The following SNX29 variants were observed in gnomAD, a reference collection of about 807,000 sequenced individuals.
SNX29 encodes sorting nexin-29.
In SNX29, 78 loss-of-function variants were observed where a neutral mutation model predicts 102.1. The observed-to-expected ratio is 0.76, with a 90% CI of 0.64 to 0.92. The LOEUF (loss-of-function observed/expected upper bound fraction) is 0.92, where lower values mean the gene tolerates loss of function less well. Among genes scored for constraint, SNX29 ranks in the 40% least tolerant of loss-of-function variants. The probability of loss-of-function intolerance (pLI) is 0.00; values close to 1 mark genes in which losing one functional copy is unlikely to be tolerated. For synonymous variants in SNX29, 580 were observed against 414.5 expected (o/e 1.40, Z -4.85); for missense variants, 1,280 against 1,061.7 (o/e 1.21, Z -2.86).
chr16:12,421,731 A>T (rs1422190799), intron 18 of SNX29, among the ~76,000 whole-genome samples: 1 of 152,106 alleles, frequency 6.6e-6, no homozygotes. Context: ...CTTCCTCCTC[A>T]ATCAGAAGCA....
intron 15 of SNX29, among the ~76,000 whole-genome samples, chr16:12,296,370 ATATG>A: frequency 6.6e-6 from 1 of 152,036 alleles, no homozygotes; most frequent in Admixed American, 6.5e-5. Context: ...TGGCCCTTAT[ATATG>A]GGGAGAAGAA....
At chr16:12,533,555 T>C (rs1008244547) in intron 20 of SNX29, among the ~76,000 whole-genome samples, 1 of 152,170 alleles carries the variant, frequency 6.6e-6, no homozygotes, top group African/African-American at 2.4e-5. Context: ...TTTCTTACTT[T>C]CTTAGCCTCG....
intron 19 of SNX29, among the ~76,000 whole-genome samples, chr16:12,494,948 G>A (rs1167500014): frequency 6.6e-6 from 1 of 152,194 alleles, no homozygotes; most frequent in Non-Finnish European, 1.5e-5. Context: ...CAGGCAGGGT[G>A]CCAAGGACTG....
intron 18 of SNX29, among the ~76,000 whole-genome samples, chr16:12,469,227 C>G (rs995520260): frequency 6.6e-6 from 1 of 152,204 alleles, no homozygotes; most frequent in Non-Finnish European, 1.5e-5. Flanking sequence ...AGTCGTTTTT[C>G]TTGGGCCAAG....
At chr16:12,210,082 A>G (rs2077143391) in intron 14 of SNX29, among the ~76,000 whole-genome samples, 1 of 152,044 alleles carries the variant, frequency 6.6e-6, no homozygotes, top group South Asian at 2.1e-4. Flanking sequence ...TTCTTTGGGG[A>G]ACCCTCTGTC....
At chr16:12,048,696 C>G in intron 7 of SNX29, 76 bp downstream of exon 7, 4 of 1,611,924 alleles carry the variant, frequency 2.5e-6, no homozygotes, top group Non-Finnish European at 3.4e-6. Flanking sequence ...ATCTTGTCAT[C>G]TGAAAGTCAT....
chr16:12,541,630 A>G (rs1056140450), intron 20 of SNX29, among the ~76,000 whole-genome samples: 1 of 152,174 alleles, frequency 6.6e-6, no homozygotes, highest in African/African-American at 2.4e-5. Flanking sequence ...GTCGGGGTCC[A>G]TCGCATCTTC....
In SNX29 at chr16:12,356,264, C is replaced by G. The variant is rs376970358; in HGVS notation, c.1884C>G (p.Ile628Met). 1.2e-6 allele frequency: 2 copies of G among 1,608,242 alleles called. No homozygotes were observed. The highest frequency in any genetic ancestry group is 1.7e-6 in the Non-Finnish European group (2 of 1,177,644). ...ALVSQMRQELIDLRGPVPGDL... is the reference protein window; with the variant it reads ...ALVSQMRQELMDLRGPVPGDL... ...TGTCCCAGATGAGGCAGGAGCTCAT[C>G]GATCTCCGGGGACCGGTGAGTGTTT... The change falls in exon 16 of 21, where the codon ATC becomes ATG. Residue 628 changes from isoleucine to methionine, a missense_variant. By Grantham distance (10) the Ile-to-Met change is conservative. Transcript: ENST00000566228.
At chr16:12,103,087 A>G (rs990900911) in intron 11 of SNX29, among the ~76,000 whole-genome samples, 6 of 152,244 alleles carry the variant, frequency 3.9e-5, no homozygotes, top group Non-Finnish European at 8.8e-5. Context: ...TTCCATGCTC[A>G]TGCATAGGTA....
At chr16:12,169,356 G>A (rs922508745) in intron 13 of SNX29, among the ~76,000 whole-genome samples, 1 of 152,162 alleles carries the variant, frequency 6.6e-6, no homozygotes, top group Non-Finnish European at 1.5e-5. Context: ...AAGCCAAAAT[G>A]TAGCTCTCGT....
At chr16:12,024,310 A>T (rs6498264) in intron 3 of SNX29, among the ~76,000 whole-genome samples, 146,437 of 151,494 alleles carry the variant, frequency 0.97, 70,817 homozygotes, top group African/African-American at 0.99. Context: ...AGCTCATTTT[A>T]TATATATATT....
At chr16:12,529,148 C>T (rs953531970) in intron 20 of SNX29, among the ~76,000 whole-genome samples, 5 of 152,164 alleles carry the variant, frequency 3.3e-5, no homozygotes, top group African/African-American at 4.8e-5. Flanking sequence ...CTTGCTAATG[C>T]CAGCTCTGAA....
chr16:12,308,275 G>A lies in SNX29; in HGVS notation c.1782+30239G>A, dbSNP rs111900024. Among the ~76,000 whole-genome samples, 834 of 152,326 alleles carry A rather than the reference G, an allele frequency of 5.5e-3. 7 individuals are homozygous for A. The highest frequency in any genetic ancestry group is 0.019 in the African/African-American group (807 of 41,572). The stretch of plus-strand genomic sequence containing the variant: ...GCATTCCACAGAATCACCTGCTCAT[G>A]GTGGCTTCTGGGTCCCACAGCCTCT... On this transcript the variant is annotated intron_variant, in intron 15 of 20. Transcript: ENST00000566228.
chr16:12,091,881 C>T (rs1314296918), intron 11 of SNX29, among the ~76,000 whole-genome samples: 2 of 152,090 alleles, frequency 1.3e-5, no homozygotes, highest in African/African-American at 4.8e-5. Flanking sequence ...AGAGGACCCT[C>T]ACCAGATCCC....
intron 20 of SNX29, among the ~76,000 whole-genome samples, chr16:12,560,526 G>C (rs1007759578): frequency 6.6e-6 from 1 of 152,134 alleles, no homozygotes; most frequent in African/African-American, 2.4e-5. Flanking sequence ...CACCTTCCAA[G>C]ACCATTTCTA....
rs564614103 is a variant in SNX29, at chr16:12,391,203, C to T, written c.1900-7243C>T. ...CCAAGCGATCCTCCTGCATTGGCCT[C>T]CTGAATTACTGGGATTACAAGCATG... On this transcript the variant is annotated intron_variant, in intron 16 of 20. Coordinates refer to ENST00000566228, the MANE Select transcript of SNX29 (RefSeq NM_032167.5). 1.2e-4 allele frequency among the ~76,000 whole-genome samples: 19 copies of T among 152,230 alleles called. No individual in the cohort carries two copies. In the South Asian group the frequency reaches 3.1e-3, roughly 25 times the overall value.
At chr16:12,426,722 G>A (rs111347555) in intron 18 of SNX29, among the ~76,000 whole-genome samples, 4,314 of 152,294 alleles carry the variant, frequency 0.028, 226 homozygotes, top group African/African-American at 0.099. Flanking sequence ...CTGGAGTGCA[G>A]TGGCGCGATC....
At chr16:12,045,692 C>T (rs1486425441) in intron 5 of SNX29, among the ~76,000 whole-genome samples, 3 of 150,664 alleles carry the variant, frequency 2.0e-5, no homozygotes, top group South Asian at 4.2e-4. Context: ...AGTACAGTGG[C>T]GCGATCTCTG....
At chr16:11,980,300 T>C (rs2055386121) in intron 1 of SNX29, among the ~76,000 whole-genome samples, 2 of 152,230 alleles carry the variant, frequency 1.3e-5, no homozygotes, top group Non-Finnish European at 2.9e-5. Context: ...TCACTCGGTA[T>C]AATTTTCCTG....
Sources: allele counts gnomAD v4.1 joint callset (sites outside exome capture counted in the v4.1 genomes callset), GRCh38; gene constraint gnomAD v4.1.1; transcripts MANE v1.5; gene names NCBI Gene and HGNC (gene_info 2026-07-23, HGNC 2026-07-21).